SLCO5A1: variants seen among roughly 807,000 people sequenced by gnomAD.
The protein encoded by SLCO5A1 is solute carrier organic anion transporter family member 5A1, also known as organic anion transporter polypeptide-related protein 4.
In SLCO5A1, 39 loss-of-function variants were observed where a neutral mutation model predicts 65.1. The ratio of observed to expected loss-of-function variants is 0.60; its 90% CI spans 0.46 to 0.78. SLCO5A1 has a LOEUF of 0.78. SLCO5A1 is among the 30% of genes least tolerant of loss of function. The probability of loss-of-function intolerance (pLI) is 0.00; values close to 1 mark genes in which losing one functional copy is unlikely to be tolerated. For missense variants in SLCO5A1, 1,029 were observed against 1,069.4 expected, an observed-to-expected ratio of 0.96 and a Z score of 0.53; for synonymous variants, 438 against 415.7, an observed-to-expected ratio of 1.05 and a Z score of -0.65.
intron 2 of SLCO5A1, among the ~76,000 whole-genome samples, chr8:69,762,837 T>A (rs1472745905): frequency 1.3e-5 from 2 of 152,202 alleles, no homozygotes; most frequent in African/African-American, 4.8e-5. Flanking sequence ...AGTATCTTAC[T>A]CAAATATGAA....
chr8:69,697,397 A>T (rs867990770), intron 6 of SLCO5A1, among the ~76,000 whole-genome samples: 1 of 152,216 alleles, frequency 6.6e-6, no homozygotes, highest in Non-Finnish European at 1.5e-5. Context: ...TTCCAAAAAA[A>T]AATTATATAT....
intron 5 of SLCO5A1, among the ~76,000 whole-genome samples, chr8:69,706,923 G>A (rs747980286): frequency 2.0e-5 from 3 of 152,154 alleles, no homozygotes; most frequent in African/African-American, 7.2e-5. Context: ...CGAGGCTGGC[G>A]GATCAGTTGA....
At chr8:69,792,142 A>C (rs567627841) in intron 2 of SLCO5A1, among the ~76,000 whole-genome samples, 1 of 152,368 alleles carries the variant, frequency 6.6e-6, no homozygotes, top group African/African-American at 2.4e-5. Context: ...GAGAAGAAAC[A>C]GACAACAGAA....
intron 2 of SLCO5A1, among the ~76,000 whole-genome samples, chr8:69,770,605 T>C (rs1363150745): frequency 6.6e-6 from 1 of 152,100 alleles, no homozygotes; most frequent in East Asian, 1.9e-4. Context: ...GGGTTTCTGA[T>C]CTTTTCAGAC....
intron 5 of SLCO5A1, among the ~76,000 whole-genome samples, chr8:69,721,401 T>C (rs569448248): frequency 6.6e-6 from 1 of 152,348 alleles, no homozygotes; most frequent in African/African-American, 2.4e-5. Flanking sequence ...AGATCATGTA[T>C]TTAACTACCT....
intron 2 of SLCO5A1, among the ~76,000 whole-genome samples, chr8:69,826,913 A>G (rs1304933404): frequency 2.0e-5 from 3 of 152,132 alleles, no homozygotes; most frequent in African/African-American, 7.2e-5. Context: ...TCCAACAATG[A>G]TAGACTGGAT....
chr8:69,693,001 T>C (rs1814340114), intron 6 of SLCO5A1, among the ~76,000 whole-genome samples: 1 of 152,246 alleles, frequency 6.6e-6, no homozygotes, highest in African/African-American at 2.4e-5. Flanking sequence ...ATTGAAGGAC[T>C]GCCAGCACAG....
intron 2 of SLCO5A1, among the ~76,000 whole-genome samples, chr8:69,804,381 T>G (rs1819896858): frequency 6.6e-6 from 1 of 152,204 alleles, no homozygotes; most frequent in Non-Finnish European, 1.5e-5. Flanking sequence ...TGGCACAATC[T>G]CGGCTCACTG....
intron 8 of SLCO5A1, among the ~76,000 whole-genome samples, chr8:69,677,077 T>C (rs1406483623): frequency 6.6e-6 from 1 of 152,198 alleles, no homozygotes; most frequent in Non-Finnish European, 1.5e-5. Context: ...TGCCTGCATC[T>C]TCCAGAGTGG....
chr8:69,713,210 C>T (rs1815350046), intron 5 of SLCO5A1, among the ~76,000 whole-genome samples: 1 of 152,198 alleles, frequency 6.6e-6, no homozygotes, highest in Non-Finnish European at 1.5e-5. Flanking sequence ...TAGACATTGT[C>T]ATTTCTTTGC....
chr8:69,830,220 C>T (rs1234774686), intron 2 of SLCO5A1, among the ~76,000 whole-genome samples: 2 of 152,190 alleles, frequency 1.3e-5, no homozygotes, highest in Admixed American at 6.5e-5. Context: ...GGACAGTAAA[C>T]ATACTGAGGA....
intron 2 of SLCO5A1, among the ~76,000 whole-genome samples, chr8:69,777,531 A>C (rs1000321914): frequency 1.3e-5 from 2 of 151,852 alleles, no homozygotes; most frequent in Admixed American, 1.3e-4. Flanking sequence ...GGGTGGTAGC[A>C]GTAGTCCCCA....
chr8:69,692,586 G>A (rs1301641748), intron 6 of SLCO5A1, among the ~76,000 whole-genome samples: 2 of 152,132 alleles, frequency 1.3e-5, no homozygotes, highest in Non-Finnish European at 1.5e-5. Flanking sequence ...ATTGAACTGT[G>A]GTGCAAAAGT....
At chr8:69,820,211 C>T (rs1022492889) in intron 2 of SLCO5A1, among the ~76,000 whole-genome samples, 1 of 152,188 alleles carries the variant, frequency 6.6e-6, no homozygotes, top group Non-Finnish European at 1.5e-5. Flanking sequence ...ACTGCCTCCT[C>T]CACTTTTCCC....
At position 69,673,134 on chromosome 8, in the gene SLCO5A1, T is replaced by C. The variant is rs781552093; in HGVS notation, c.2282A>G (p.Lys761Arg). ...CCTCTGCAGTCCATCCTCCTTGTAT[T>C]TTATGGAGTACCAGGCCAGAAAAAT... Reference protein sequence around the residue: ...IFIFLAWYSIKYKEDGLQRRR... With the variant: ...IFIFLAWYSIRYKEDGLQRRR... The change falls in exon 10 of 10, where the codon AAA (lysine) becomes AGA (arginine). Residue 761 changes from lysine to arginine, a missense_variant. This residue lies in a region of SLCO5A1 where 258 missense variants were observed against 237.4 expected (regional missense o/e 1.09). Coordinates refer to ENST00000260126, the MANE Select transcript of SLCO5A1 (RefSeq NM_030958.3). The C allele has an allele frequency of 1.2e-6, 2 of 1,614,224 alleles. No individual in the cohort carries two copies. Among genetic ancestry groups the C allele is most frequent in the Non-Finnish European group, 8.5e-7 (1 of 1,180,036 alleles).
At chr8:69,694,739 G>A (rs554119868) in intron 6 of SLCO5A1, among the ~76,000 whole-genome samples, 1 of 152,326 alleles carries the variant, frequency 6.6e-6, no homozygotes, top group South Asian at 2.1e-4. Context: ...TGAGAAACCA[G>A]AAAAATTCTC....
intron 5 of SLCO5A1, among the ~76,000 whole-genome samples, chr8:69,723,167 T>G (rs540345492): frequency 1.1e-4 from 17 of 152,340 alleles, no homozygotes; most frequent in Non-Finnish European, 2.2e-4. Context: ...AACTATTTTT[T>G]ATTCTGTCTA....
At chr8:69,689,367 C>T (rs1814143189) in intron 6 of SLCO5A1, among the ~76,000 whole-genome samples, 1 of 99,780 alleles carries the variant, frequency 1.0e-5, no homozygotes, top group Non-Finnish European at 1.9e-5. Context: ...TCAATTTTGG[C>T]TTTTGTTGCC....
At chr8:69,775,410 A>G (rs1439917653) in intron 2 of SLCO5A1, among the ~76,000 whole-genome samples, 3 of 152,338 alleles carry the variant, frequency 2.0e-5, no homozygotes, top group Admixed American at 1.3e-4. Context: ...ACATGTATCC[A>G]TATATAACAA....
Sources: gnomAD v4.1 joint callset for allele counts (sites outside exome capture counted in the v4.1 genomes callset) on GRCh38, gnomAD v4.1.1 for gene constraint, gnomAD v4.1.1 regional missense constraint, MANE v1.5 for transcripts, NCBI Gene and HGNC (gene_info 2026-07-23, HGNC 2026-07-21) for gene names.